SV2C: variants seen among roughly 807,000 people sequenced by gnomAD.
SV2C encodes solute carrier family 22 member B3.
A neutral mutation model predicts 79.7 loss-of-function variants in SV2C; 49 were observed. That is an observed-to-expected ratio of 0.61 (90% CI 0.49 to 0.78). SV2C has a LOEUF of 0.78. SV2C is among the 30% of genes least tolerant of loss of function. SV2C has a pLI of 0.00. For synonymous variants in SV2C, 334 were observed against 333.2 expected, an observed-to-expected ratio of 1.00 and a Z score of -0.03; for missense variants, 833 against 912.9, an observed-to-expected ratio of 0.91 and a Z score of 1.13.
chr5:76,049,078 C>G, the SV2C span, among the ~76,000 whole-genome samples: 1 of 151,166 alleles, frequency 6.6e-6, no homozygotes, highest in Admixed American at 6.6e-5. Flanking sequence ...TGGCTCATGC[C>G]TATAATCCCA....
At position 76,219,064 on chromosome 5, in the gene SV2C, G is replaced by A. The variant is rs879415156; in HGVS notation, c.913+9177G>A. The stretch of plus-strand genomic sequence containing the variant: ...AAGTGTCCTGTGCCCACTACTCTAG[G>A]GTGTCAGGGCAGGCCTCACATGATA... On this transcript the variant is annotated intron_variant, in intron 4 of 12. Transcript: ENST00000502798. Among the ~76,000 whole-genome samples the A allele has an allele frequency of 2.6e-5, 4 of 152,254 alleles. No individual in the cohort carries two copies. The East Asian group carries it at 7.7e-4, about 29-fold the overall frequency.
intron 1 of SV2C, among the ~76,000 whole-genome samples, chr5:76,096,201 C>T (rs1273881035): frequency 2.6e-5 from 4 of 152,116 alleles, no homozygotes; most frequent in Admixed American, 6.6e-5. Flanking sequence ...CACTGGTTAA[C>T]TTCTATCTTT....
At chr5:75,939,985 G>A in the SV2C span, among the ~76,000 whole-genome samples, 1 of 152,120 alleles carries the variant, frequency 6.6e-6, no homozygotes, top group African/African-American at 2.4e-5. Flanking sequence ...ATCGTCCTGA[G>A]AACTGAACCT....
chr5:76,069,491 T>C, the SV2C span, among the ~76,000 whole-genome samples: 1 of 151,824 alleles, frequency 6.6e-6, no homozygotes, highest in Non-Finnish European at 1.5e-5. Flanking sequence ...ACAGGGCCCC[T>C]CCGCTCAGGC....
rs1047860180 is a variant in SV2C at position 76,298,824 on chromosome 5, T to C, written c.1533T>C (p.Thr511=). ...RFIGVKFKSV[T]FKDSVFKSCT... is the part of the protein sequence containing the mutation. ...TAGGGGTCAAGTTCAAATCTGTAAC[T>C]TTCAAAGACTCTGTTTTTAAGTCCT... The change falls in exon 10 of 13, where the codon ACT becomes ACC. Residue 511 remains threonine (T), a synonymous_variant. Transcript: ENST00000502798. 6.2e-7 allele frequency: 1 copy of C among 1,613,972 alleles called. No homozygotes were observed. Among genetic ancestry groups the C allele is most frequent in the Non-Finnish European group, 8.5e-7 (1 of 1,179,862 alleles).
intron 12 of SV2C, among the ~76,000 whole-genome samples, chr5:76,348,392 G>A (rs1749582559): frequency 6.6e-6 from 1 of 152,176 alleles, no homozygotes; most frequent in South Asian, 2.1e-4. Flanking sequence ...AAGGAAAGCT[G>A]CTATAAACAT....
chr5:75,928,242 G>T, the SV2C span, among the ~76,000 whole-genome samples: 1 of 152,114 alleles, frequency 6.6e-6, no homozygotes, highest in African/African-American at 2.4e-5. Context: ...ATTAAAAAAT[G>T]CTTTGTCCTT....
intron 4 of SV2C, among the ~76,000 whole-genome samples, chr5:76,260,985 C>T (rs565715198): frequency 3.9e-5 from 6 of 152,132 alleles, no homozygotes; most frequent in South Asian, 2.1e-4. Context: ...TGAAGAAAGT[C>T]GATGGTAGCT....
the SV2C span, among the ~76,000 whole-genome samples, chr5:75,983,272 G>A: frequency 1.5e-4 from 23 of 152,066 alleles, no homozygotes; most frequent in East Asian, 1.4e-3. Context: ...CGTGTCACTC[G>A]GGACCATCAT....
Position 76,131,761 on chromosome 5 carries a change from C to G in SV2C, c.11C>G (p.Ser4Cys), listed in dbSNP as rs369773755. MED[S>C]YKDRTSLMKG... ...ATCAGTTGAGATAAGATGGAAGACT[C>G]TTACAAGGATAGGACTTCACTGATG... The change falls in exon 2 of 13, where the codon TCT (serine) becomes TGT (cysteine). Residue 4 changes from serine (S) to cysteine (C), a missense_variant. By Grantham distance (112) the Ser-to-Cys change is moderately radical. Transcript: ENST00000502798. 2.2e-5 allele frequency: 36 copies of G among 1,605,388 alleles called. No homozygotes were observed. Among genetic ancestry groups the G allele is most frequent in the Non-Finnish European group, 3.1e-5 (36 of 1,175,222 alleles).
At chr5:76,317,640 G>A (rs761942610) in intron 12 of SV2C, among the ~76,000 whole-genome samples, 11 of 152,028 alleles carry the variant, frequency 7.2e-5, no homozygotes, top group Non-Finnish European at 1.2e-4. Context: ...AACCAGCCTG[G>A]GAAACATAGT....
chr5:76,024,070 T>G, the SV2C span, among the ~76,000 whole-genome samples: 2 of 152,146 alleles, frequency 1.3e-5, no homozygotes, highest in African/African-American at 4.8e-5. Context: ...AACCATTTCT[T>G]TAGTAATGGA....
chr5:75,915,141 A>G, the SV2C span, among the ~76,000 whole-genome samples: 1 of 152,186 alleles, frequency 6.6e-6, no homozygotes, highest in Non-Finnish European at 1.5e-5. Flanking sequence ...GTCACAATTC[A>G]AAATAAGATT....
chr5:76,131,907 G>C lies in SV2C; in HGVS notation c.157G>C (p.Glu53Gln). 6.2e-7 allele frequency: 1 copy of C among 1,614,102 alleles called. No individual in the cohort carries two copies. Among genetic ancestry groups the C allele is most frequent in the African/African-American group, 1.3e-5 (1 of 75,044 alleles). Residue 53 changes from glutamate (E) to glutamine (Q), a missense_variant, in exon 2 of 13, where the codon GAA becomes CAA. By Grantham distance (29) the Glu-to-Gln change is conservative (BLOSUM62 2). Coordinates refer to ENST00000502798, the MANE Select transcript of SV2C (RefSeq NM_014979.4). ...GTCCTACAGTCGGTTCCAAGATGAA[G>C]AAGATGATGATGACTACTACCCGGC... ...QRSYSRFQDE[E>Q]DDDDYYPAGE...
chr5:75,964,018 G>A, the SV2C span, among the ~76,000 whole-genome samples: 2 of 151,818 alleles, frequency 1.3e-5, no homozygotes, highest in Non-Finnish European at 2.9e-5. Flanking sequence ...TTTCCTTTAG[G>A]GATATAACAG....
chr5:76,176,855 C>T (rs1049865899), intron 2 of SV2C, among the ~76,000 whole-genome samples: 2 of 152,178 alleles, frequency 1.3e-5, no homozygotes, highest in African/African-American at 4.8e-5. Flanking sequence ...GTGGCTCACG[C>T]CTGTAATCCC....
the SV2C span, among the ~76,000 whole-genome samples, chr5:75,934,462 A>G: frequency 6.6e-6 from 1 of 151,186 alleles, no homozygotes; most frequent in African/African-American, 2.4e-5. Flanking sequence ...AATTTTTTCT[A>G]TGTTTAGTAG....
the SV2C span, among the ~76,000 whole-genome samples, chr5:76,008,276 G>A: frequency 6.6e-6 from 1 of 152,174 alleles, no homozygotes; most frequent in African/African-American, 2.4e-5. Context: ...TGTCTCAGCA[G>A]GGGAGCCTGT....
chr5:76,052,573 T>C, the SV2C span, among the ~76,000 whole-genome samples: 1 of 152,192 alleles, frequency 6.6e-6, no homozygotes, highest in East Asian at 1.9e-4. Context: ...GTCTGTCGTG[T>C]TTCATCCTTT....
Sources: gnomAD v4.1 joint callset for allele counts (sites outside exome capture counted in the v4.1 genomes callset) on GRCh38, gnomAD v4.1.1 for gene constraint, MANE v1.5 for transcripts, NCBI Gene and HGNC (gene_info 2026-07-23, HGNC 2026-07-21) for gene names.